FHIT: variants seen among roughly 807,000 people sequenced by gnomAD.
The protein encoded by FHIT is fragile histidine triad diadenosine triphosphatase, also known as bis(5'-adenosyl)-triphosphatase.
A neutral mutation model predicts 17.9 loss-of-function variants in FHIT; 19 were observed. The ratio of observed to expected loss-of-function variants is 1.06; its 90% CI spans 0.74 to 1.56. The LOEUF (loss-of-function observed/expected upper bound fraction) is 1.56, where lower values mean the gene tolerates loss of function less well. Among genes scored for constraint, FHIT ranks in the 40% most tolerant of loss-of-function variants. The probability of loss-of-function intolerance (pLI) is 0.00; values close to 1 mark genes in which losing one functional copy is unlikely to be tolerated. For synonymous variants in FHIT, 81 were observed against 69.7 expected (o/e 1.16, Z -0.81); for missense variants, 248 against 189.2 (o/e 1.31, Z -1.82).
chr3:60,878,297 A>G (rs1451355068), intron 3 of FHIT, among the ~76,000 whole-genome samples: 1 of 152,048 alleles, frequency 6.6e-6, no homozygotes, highest in Admixed American at 6.6e-5. Context: ...AAACTCTGAT[A>G]TTAGCACCCT....
At chr3:59,883,651 G>GT (rs1392766458) in intron 8 of FHIT, among the ~76,000 whole-genome samples, 3 of 152,146 alleles carry the variant, frequency 2.0e-5, no homozygotes, top group African/African-American at 7.2e-5. Context: ...AACGTCTATT[G>GT]TATCTTGTGG....
chr3:60,941,933 G>A (rs1419661375), intron 3 of FHIT, among the ~76,000 whole-genome samples: 2 of 152,174 alleles, frequency 1.3e-5, no homozygotes, highest in African/African-American at 4.8e-5. Flanking sequence ...TAGGTTCCCT[G>A]TCAAACACTC....
At chr3:60,229,899 T>C (rs922798092) in intron 5 of FHIT, among the ~76,000 whole-genome samples, 2 of 152,178 alleles carry the variant, frequency 1.3e-5, no homozygotes, top group African/African-American at 2.4e-5. Context: ...GGAGGACAGC[T>C]TGAGCCCAAG....
intron 4 of FHIT, among the ~76,000 whole-genome samples, chr3:60,815,536 T>G (rs1221503796): frequency 2.6e-5 from 4 of 152,168 alleles, no homozygotes; most frequent in Admixed American, 2.6e-4. Flanking sequence ...GAAGATCAGA[T>G]GGTTGTAAGT....
intron 5 of FHIT, among the ~76,000 whole-genome samples, chr3:60,422,661 G>A (rs1014984492): frequency 6.6e-6 from 1 of 152,066 alleles, no homozygotes; most frequent in Non-Finnish European, 1.5e-5. Flanking sequence ...CATAAAAATG[G>A]CTTTCATTTC....
intron 5 of FHIT, among the ~76,000 whole-genome samples, chr3:60,110,994 T>C (rs1211142942): frequency 1.3e-5 from 2 of 152,126 alleles, no homozygotes; most frequent in East Asian, 1.9e-4. Flanking sequence ...GTGATACAGA[T>C]ACCAAAATGA....
At chr3:60,824,670 C>G (rs1702050430) in intron 3 of FHIT, among the ~76,000 whole-genome samples, 1 of 152,116 alleles carries the variant, frequency 6.6e-6, no homozygotes, top group Non-Finnish European at 1.5e-5. Flanking sequence ...ATGGGAGGAA[C>G]CTGGTGGGAG....
chr3:60,157,967 C>T (rs916913248), intron 5 of FHIT, among the ~76,000 whole-genome samples: 12 of 152,128 alleles, frequency 7.9e-5, no homozygotes, highest in Non-Finnish European at 1.3e-4. Flanking sequence ...TCTTTGCTTC[C>T]TTGTTCGGTT....
chr3:60,505,966 A>C (rs183756200), intron 5 of FHIT, among the ~76,000 whole-genome samples: 152 of 152,314 alleles, frequency 1.0e-3, no homozygotes, highest in African/African-American at 3.6e-3. Flanking sequence ...TTTGTAGAAG[A>C]AACTATTAGG....
At chr3:60,058,202 C>T (rs915542891) in intron 5 of FHIT, among the ~76,000 whole-genome samples, 9 of 129,730 alleles carry the variant, frequency 6.9e-5, no homozygotes, top group South Asian at 2.7e-4. Context: ...TGCAGTGGCT[C>T]GACTCGATCT....
chr3:59,909,273 C>T (rs986337709), intron 8 of FHIT, among the ~76,000 whole-genome samples: 2 of 151,842 alleles, frequency 1.3e-5, no homozygotes. Flanking sequence ...ATCTCATGAT[C>T]CGCCTGCCTT....
intron 3 of FHIT, among the ~76,000 whole-genome samples, chr3:60,872,083 T>C (rs1195418708): frequency 2.0e-5 from 3 of 152,112 alleles, no homozygotes; most frequent in African/African-American, 4.8e-5. Context: ...TCAGTATGAA[T>C]TCAGTAGGAA....
At chr3:59,993,293 C>T (rs952475601) in intron 7 of FHIT, among the ~76,000 whole-genome samples, 1 of 152,086 alleles carries the variant, frequency 6.6e-6, no homozygotes, top group Admixed American at 6.6e-5. Context: ...TACTGAGTCT[C>T]ACACACCTTC....
chr3:60,711,218 C>T lies in FHIT; in HGVS notation c.-18+110701G>A, dbSNP rs567635206. On this transcript the variant is annotated intron_variant, in intron 4 of 9. Transcript: ENST00000492590. ...ACAGACCTGCAGCTGAGGGTCCTGT[C>T]TGTTAGAAGGAAAACTAAAAAACAG... 3.3e-5 allele frequency among the ~76,000 whole-genome samples: 5 copies of T among 152,302 alleles called. No homozygotes were observed. The South Asian group carries it at 1.0e-3, about 32-fold the overall frequency.
intron 2 of FHIT, among the ~76,000 whole-genome samples, chr3:61,180,877 G>A (rs994606788): frequency 2.6e-5 from 4 of 152,172 alleles, no homozygotes; most frequent in Admixed American, 2.6e-4. Flanking sequence ...CAATCTTTAT[G>A]TGGAGTGGGG....
At chr3:60,020,756 G>C (rs1351602782) in intron 5 of FHIT, among the ~76,000 whole-genome samples, 1 of 152,116 alleles carries the variant, frequency 6.6e-6, no homozygotes, top group Non-Finnish European at 1.5e-5. Flanking sequence ...ACAATAGCAG[G>C]ATGGACTGTC....
At chr3:59,973,629 C>G (rs543933156) in intron 7 of FHIT, among the ~76,000 whole-genome samples, 4 of 152,104 alleles carry the variant, frequency 2.6e-5, no homozygotes, top group African/African-American at 9.6e-5. Flanking sequence ...TATTAATTTC[C>G]TGCTATCCCA....
chr3:60,490,954 C>G (rs2107499953), intron 5 of FHIT, among the ~76,000 whole-genome samples: 2 of 152,270 alleles, frequency 1.3e-5, no homozygotes, highest in Middle Eastern at 6.8e-3. Flanking sequence ...TACCTTTCCT[C>G]TACCTCTGAA....
At chr3:60,924,281 C>T (rs1373095482) in intron 3 of FHIT, among the ~76,000 whole-genome samples, 4 of 152,152 alleles carry the variant, frequency 2.6e-5, no homozygotes, top group East Asian at 1.9e-4. Flanking sequence ...CCCTGACCCC[C>T]GAGTAGCCTA....
Sources: allele counts gnomAD v4.1 joint callset (sites outside exome capture counted in the v4.1 genomes callset), GRCh38; gene constraint gnomAD v4.1.1; transcripts MANE v1.5; gene names NCBI Gene and HGNC (gene_info 2026-07-23, HGNC 2026-07-21).